SDK1: variants seen among roughly 807,000 people sequenced by gnomAD.
SDK1 encodes sidekick cell adhesion molecule 1, also known as protein sidekick-1.
Under a neutral mutation model 245.5 loss-of-function variants are expected in SDK1, and 157 were observed. That is an observed-to-expected ratio of 0.64 (90% CI 0.56 to 0.73). The LOEUF is 0.73. Among genes scored for constraint, SDK1 ranks in the 30% least tolerant of loss-of-function variants. The pLI, the probability that SDK1 is intolerant of heterozygous loss-of-function variation, is 0.00. For missense variants in SDK1, 3,583 were observed against 3,002.3 expected (o/e 1.19, Z -4.52); for synonymous variants, 1,647 against 1,278.5 (o/e 1.29, Z -6.15).
chr7:3,538,780 C>T (rs1275936058), intron 1 of SDK1, among the ~76,000 whole-genome samples: 1 of 152,214 alleles, frequency 6.6e-6, no homozygotes, highest in Non-Finnish European at 1.5e-5. Flanking sequence ...AAGGCCCATT[C>T]AGGCCCAGAT....
At chr7:4,224,365 A>G (rs1289226098) in intron 40 of SDK1, among the ~76,000 whole-genome samples, 1 of 152,242 alleles carries the variant, frequency 6.6e-6, no homozygotes, top group African/African-American at 2.4e-5. Context: ...CCGGCACGCC[A>G]CATGGCTGGG....
chr7:4,160,330 A>G (rs1781035461), intron 31 of SDK1, among the ~76,000 whole-genome samples: 2 of 152,216 alleles, frequency 1.3e-5, no homozygotes, highest in African/African-American at 4.8e-5. Context: ...AAAGTGCAAC[A>G]GCCTCCTTTG....
intron 2 of SDK1, among the ~76,000 whole-genome samples, chr7:3,622,528 C>G (rs1781973906): frequency 6.6e-6 from 1 of 152,064 alleles, no homozygotes; most frequent in African/African-American, 2.4e-5. Context: ...ATTTTAAATG[C>G]CAAAGTGTAC....
At chr7:3,921,510 T>C (rs1010020847) in intron 5 of SDK1, among the ~76,000 whole-genome samples, 22 of 152,340 alleles carry the variant, frequency 1.4e-4, no homozygotes, top group African/African-American at 5.3e-4. Flanking sequence ...CACGATGTTC[T>C]AGTTAAGCTC....
intron 5 of SDK1, among the ~76,000 whole-genome samples, chr7:3,854,802 T>A (rs1349346241): frequency 6.6e-6 from 1 of 152,114 alleles, no homozygotes; most frequent in Non-Finnish European, 1.5e-5. Context: ...AAAAGATAGG[T>A]ACATAGATAA....
chr7:3,630,687 C>G (rs1177818050), intron 2 of SDK1, among the ~76,000 whole-genome samples: 1 of 152,064 alleles, frequency 6.6e-6, no homozygotes, highest in African/African-American at 2.4e-5. Context: ...AAGGATAAAT[C>G]TGACACAGGG....
At chr7:3,357,326 G>GTTTTTTTTTTTTTTT (rs1780826215) in intron 1 of SDK1, among the ~76,000 whole-genome samples, 1 of 50,102 alleles carries the variant, frequency 2.0e-5, no homozygotes. Context: ...CCTTCTTTTA[G>GTTTTTTTTTTTTTTT]TGTTTTTTTT....
intron 1 of SDK1, chr7:3,302,542 T>G (rs1779302714): frequency 2.0e-5 from 3 of 151,892 alleles, no homozygotes; most frequent in Admixed American, 6.6e-5. Context: ...TGAATGGAAA[T>G]GACCTTTTGA....
At chr7:3,920,110 C>T (rs957163748) in intron 5 of SDK1, among the ~76,000 whole-genome samples, 4 of 152,136 alleles carry the variant, frequency 2.6e-5, no homozygotes, top group African/African-American at 9.7e-5. Context: ...TCAGGAATGG[C>T]GGTGAGTTCA....
chr7:3,803,821 G>A (rs188868071), intron 4 of SDK1, among the ~76,000 whole-genome samples: 1 of 147,322 alleles, frequency 6.8e-6, no homozygotes, highest in African/African-American at 2.5e-5. Context: ...CTGGAATGCA[G>A]TGGCATGATC....
chr7:4,206,118 A>C, intron 36 of SDK1, 124 bp downstream of exon 36: 1 of 654,870 alleles, frequency 1.5e-6, no homozygotes, highest in Non-Finnish European at 2.6e-6. Context: ...CTGGGGCCCA[A>C]GCGTCGGAGC....
chr7:4,202,249 A>T (rs1290785171), intron 35 of SDK1, among the ~76,000 whole-genome samples: 1 of 152,108 alleles, frequency 6.6e-6, no homozygotes, highest in Non-Finnish European at 1.5e-5. Context: ...CAAGGCCTAG[A>T]CCCTGGTTAA....
intron 1 of SDK1, among the ~76,000 whole-genome samples, chr7:3,529,225 C>T (rs1432796755): frequency 6.6e-6 from 1 of 152,120 alleles, no homozygotes; most frequent in Admixed American, 6.5e-5. Flanking sequence ...CTCATATACA[C>T]ACCCAGAAGG....
chr7:4,213,918 G>A (rs1034233310), intron 38 of SDK1, among the ~76,000 whole-genome samples: 1 of 152,082 alleles, frequency 6.6e-6, no homozygotes, highest in Non-Finnish European at 1.5e-5. Context: ...CTGTGTTCTC[G>A]CTATACACAG....
intron 1 of SDK1, among the ~76,000 whole-genome samples, chr7:3,565,635 C>T (rs926084964): frequency 2.0e-5 from 3 of 152,110 alleles, no homozygotes; most frequent in Non-Finnish European, 4.4e-5. Context: ...CTGGAACCTC[C>T]CTCAGATACC....
intron 1 of SDK1, among the ~76,000 whole-genome samples, chr7:3,334,972 T>C (rs1016106383): frequency 6.6e-6 from 1 of 152,190 alleles, no homozygotes; most frequent in Non-Finnish European, 1.5e-5. Context: ...CTTGGAGTTA[T>C]CCTTCATTTT....
At chr7:3,801,135 A>T (rs1779096889) in intron 4 of SDK1, among the ~76,000 whole-genome samples, 1 of 152,246 alleles carries the variant, frequency 6.6e-6, no homozygotes, top group Non-Finnish European at 1.5e-5. Context: ...ATAGATGCGG[A>T]TGATTAAATA....
intron 12 of SDK1, 89 bp downstream of exon 12, chr7:3,971,657 G>A: frequency 2.0e-6 from 2 of 992,848 alleles, no homozygotes; most frequent in Non-Finnish European, 3.1e-6. Flanking sequence ...AGAATTGGGG[G>A]AACTTTTGAT....
intron 9 of SDK1, among the ~76,000 whole-genome samples, chr7:3,966,006 G>T (rs1349191469): frequency 1.3e-5 from 2 of 151,938 alleles, no homozygotes; most frequent in African/African-American, 4.8e-5. Flanking sequence ...AGGGGCAGAG[G>T]CCGAGAACAG....
Sources: gnomAD v4.1 joint callset for allele counts (sites outside exome capture counted in the v4.1 genomes callset) on GRCh38, gnomAD v4.1.1 for gene constraint, MANE v1.5 for transcripts, NCBI Gene and HGNC (gene_info 2026-07-23, HGNC 2026-07-21) for gene names.